Variants in KCNN3 observed in about 807,000 individuals in gnomAD.
KCNN3 encodes the protein potassium calcium-activated channel subfamily N member 3.
KCNN3 carries 16 observed loss-of-function variants against 62.9 expected under a neutral mutation model. The ratio of observed to expected loss-of-function variants is 0.25; its 90% CI spans 0.17 to 0.39. The LOEUF is 0.39. Ranked by LOEUF, KCNN3 falls within the 10% of genes least tolerant of loss-of-function variation. The pLI is 1.00. For missense variants in KCNN3, 599 were observed against 949.4 expected, an observed-to-expected ratio of 0.63 and a Z score of 4.85; for synonymous variants, 370 against 389.2, an observed-to-expected ratio of 0.95 and a Z score of 0.58.
At chr1:154,737,058 T>C in intron 3 of KCNN3, 1 of 702,324 alleles carries the variant, frequency 1.4e-6, no homozygotes. Flanking sequence ...CAGGAAGTGA[T>C]GAGCCAGAAG....
intron 3 of KCNN3, among the ~76,000 whole-genome samples, chr1:154,742,691 G>A (rs370177574): frequency 2.0e-5 from 3 of 152,252 alleles, no homozygotes; most frequent in African/African-American, 4.8e-5. Context: ...CGGACTCAGG[G>A]CCTGCTGCTT....
chr1:154,708,957 T>C (rs1374859468), intron 7 of KCNN3, among the ~76,000 whole-genome samples: 1 of 152,110 alleles, frequency 6.6e-6, no homozygotes, highest in African/African-American at 2.4e-5. Context: ...GGGACATCCC[T>C]GAAGGGCCAC....
At chr1:154,744,294 A>T (rs1700890928) in intron 3 of KCNN3, among the ~76,000 whole-genome samples, 1 of 152,232 alleles carries the variant, frequency 6.6e-6, no homozygotes, top group Non-Finnish European at 1.5e-5. Flanking sequence ...GACCAGCAGG[A>T]TAAGAGCTGT....
Position 154,750,839 on chromosome 1 carries a change from A to T in KCNN3, c.1449-17695T>A, listed in dbSNP as rs568395913. On this transcript the variant is annotated intron_variant, in intron 3 of 7. Coordinates refer to ENST00000271915, the MANE Select transcript of KCNN3 (RefSeq NM_002249.6). Reference sequence around the variant, plus strand: ...CAGTGGGATTCTCCTGGGGAGCATCAGCTCAGAGGCCCAGGACCCCCTCAG... The same window carrying T: ...CAGTGGGATTCTCCTGGGGAGCATCTGCTCAGAGGCCCAGGACCCCCTCAG... Among the ~76,000 whole-genome samples, 12 of 152,236 alleles carry T rather than the reference A, an allele frequency of 7.9e-5. No homozygotes were observed. In the South Asian group the frequency reaches 2.5e-3, roughly 32 times the overall value.
At chr1:154,850,467 A>G (rs1018086981) in intron 1 of KCNN3, among the ~76,000 whole-genome samples, 1 of 152,176 alleles carries the variant, frequency 6.6e-6, no homozygotes, top group African/African-American at 2.4e-5. Flanking sequence ...AGAGGACCTC[A>G]AAAGCCATAC....
At chr1:154,800,754 T>C (rs1199275613) in intron 2 of KCNN3, among the ~76,000 whole-genome samples, 1 of 152,148 alleles carries the variant, frequency 6.6e-6, no homozygotes, top group Non-Finnish European at 1.5e-5. Flanking sequence ...AGATTAGGAC[T>C]GTATCCATCA....
At chr1:154,839,046 G>A (rs1042906674) in intron 1 of KCNN3, among the ~76,000 whole-genome samples, 7 of 152,116 alleles carry the variant, frequency 4.6e-5, no homozygotes, top group Admixed American at 1.3e-4. Flanking sequence ...GGGCAGTCGG[G>A]TCACTCCATG....
intron 2 of KCNN3, among the ~76,000 whole-genome samples, chr1:154,805,510 A>G (rs889213122): frequency 6.6e-6 from 1 of 152,202 alleles, no homozygotes; most frequent in Admixed American, 6.5e-5. Flanking sequence ...TTTATGCAGT[A>G]TTATTCACCA....
At position 154,800,159 on chromosome 1, in the gene KCNN3, G is replaced by A. The variant is rs192749115; in HGVS notation, c.1029+21930C>T. ...GCTGTTGTGATGATTCATTGGCTGT[G>A]TTCTTACAGAATGGGACATATAAGC... On this transcript the variant is annotated intron_variant, in intron 2 of 7. Transcript: ENST00000271915. Among the ~76,000 whole-genome samples, 1,221 of 152,324 alleles carry A rather than the reference G, an allele frequency of 8.0e-3. 22 individuals carry two copies. The highest frequency in any genetic ancestry group is 0.028 in the African/African-American group (1,171 of 41,548).
At chr1:154,757,751 G>C (rs1053759005) in intron 3 of KCNN3, among the ~76,000 whole-genome samples, 5 of 152,230 alleles carry the variant, frequency 3.3e-5, no homozygotes, top group African/African-American at 1.2e-4. Context: ...GTGAGCGAGA[G>C]GGTGGAGTCT....
intron 2 of KCNN3, among the ~76,000 whole-genome samples, chr1:154,789,699 G>A (rs753774727): frequency 1.3e-4 from 20 of 152,064 alleles, no homozygotes; most frequent in Non-Finnish European, 8.8e-5. Flanking sequence ...CAGGGCCTTG[G>A]GGGATTCCGA....
intron 2 of KCNN3, among the ~76,000 whole-genome samples, chr1:154,775,171 AG>A (rs1458006639): frequency 2.6e-5 from 4 of 152,228 alleles, no homozygotes; most frequent in African/African-American, 9.6e-5. Context: ...TTAGTCACCA[AG>A]CAGCTTTCTC....
chr1:154,859,576 G>T (rs1465417345), intron 1 of KCNN3: 7 of 979,874 alleles, frequency 7.1e-6, no homozygotes, highest in South Asian at 1.3e-5. Flanking sequence ...CTGCCTCCCT[G>T]CAGGGCCCCC....
intron 2 of KCNN3, among the ~76,000 whole-genome samples, chr1:154,794,591 T>G (rs1161003616): frequency 3.3e-5 from 5 of 152,358 alleles, no homozygotes; most frequent in Admixed American, 1.3e-4. Flanking sequence ...ATTGCCTTTC[T>G]GGTCTCCCTT....
chr1:154,865,332 C>CA (rs1652911155), intron 1 of KCNN3, among the ~76,000 whole-genome samples: 1 of 151,582 alleles, frequency 6.6e-6, no homozygotes, highest in South Asian at 2.1e-4. Flanking sequence ...TCTAAGACTT[C>CA]AGAGAGTAAA....
intron 1 of KCNN3, 148 bp from the exon 2 acceptor site, chr1:154,822,332 C>T (rs1270693178): frequency 1.4e-6 from 1 of 701,304 alleles, no homozygotes; most frequent in African/African-American, 1.8e-5. Context: ...CAAAGTCAGC[C>T]TGAGCCCCAC....
At chr1:154,841,039 A>G (rs4845674) in intron 1 of KCNN3, among the ~76,000 whole-genome samples, 149,180 of 152,246 alleles carry the variant, frequency 0.98, 73,161 homozygotes, top group East Asian at 1. Context: ...TCAGGCCCCG[A>G]CCTAATCAGG....
chr1:154,791,374 G>A (rs1649512228), intron 2 of KCNN3, among the ~76,000 whole-genome samples: 1 of 151,226 alleles, frequency 6.6e-6, no homozygotes, highest in Non-Finnish European at 1.5e-5. Flanking sequence ...TGCGGCTGGT[G>A]CTGGGGAGGA....
At chr1:154,714,232 G>GTT (rs1700155855) in intron 6 of KCNN3, among the ~76,000 whole-genome samples, 2 of 30,720 alleles carry the variant, frequency 6.5e-5, no homozygotes, top group African/African-American at 2.7e-4. Context: ...TGTGTGTGGG[G>GTT]TGTGTGCGGT....
Sources: gnomAD v4.1 joint callset for allele counts (sites outside exome capture counted in the v4.1 genomes callset) on GRCh38, gnomAD v4.1.1 for gene constraint, MANE v1.5 for transcripts, NCBI Gene and HGNC (gene_info 2026-07-23, HGNC 2026-07-21) for gene names.